Variants in PPIA observed in about 807,000 individuals in gnomAD.
PPIA encodes the protein peptidyl-prolyl cis-trans isomerase A.
PPIA carries 2 observed loss-of-function variants against 15.3 expected under a neutral mutation model. The observed-to-expected ratio is 0.13, with a 90% CI of 0.05 to 0.41. The LOEUF is 0.41. Ranked by LOEUF, PPIA falls within the 10% of genes least tolerant of loss-of-function variation. The pLI is 0.99. For synonymous variants in PPIA, 67 were observed against 73.1 expected, an observed-to-expected ratio of 0.92 and a Z score of 0.43; for missense variants, 103 against 210.3, an observed-to-expected ratio of 0.49 and a Z score of 3.16.
chr7:44,798,867 C>G (rs573491651), intron 1 of PPIA: 1 of 1,020,758 alleles, frequency 9.8e-7, no homozygotes, highest in Non-Finnish European at 1.2e-6. Flanking sequence ...TACCCCTGAT[C>G]GTGCAGCAGT....
chr7:44,796,802 G>T lies in PPIA; in HGVS notation c.69+9G>T, dbSNP rs373732482. Reference sequence around the variant, plus strand: ...GCCGCGTCTCCTTTGAGGTCGGGCGGGCGGCGGCGTGCGGGAATGGGGCCC... The same window carrying T: ...GCCGCGTCTCCTTTGAGGTCGGGCGTGCGGCGGCGTGCGGGAATGGGGCCC... On this transcript the variant is annotated intron_variant, in intron 1 of 4. Coordinates refer to ENST00000468812, the MANE Select transcript of PPIA (RefSeq NM_021130.5). 64 of 1,603,030 alleles carry T rather than the reference G, an allele frequency of 4.0e-5. No individual in the cohort carries two copies. Among genetic ancestry groups the T allele is most frequent in the East Asian group, 6.9e-5 (3 of 43,228 alleles).
Position 44,803,079 on chromosome 7 carries a change from A to C in PPIA, c.*1657A>C, listed in dbSNP as rs1376767572. On this transcript the variant is annotated 3_prime_UTR_variant, in exon 5 of 5. Transcript: ENST00000468812. ...TTAATGTACTTGTGGCTCAGACCTGAGTGCAAGGTGGAAATAAACATCAAA... is the reference window on the plus strand; with the variant it reads ...TTAATGTACTTGTGGCTCAGACCTGCGTGCAAGGTGGAAATAAACATCAAA... 1 of 152,208 alleles carries C rather than the reference A, an allele frequency of 6.6e-6. No individual in the cohort carries two copies. Among genetic ancestry groups the C allele is most frequent in the Admixed American group, 6.5e-5 (1 of 15,276 alleles). The allele number at this position is 152,208 out of a possible 1,614,324, so 9.4% of individuals were successfully genotyped here.
At chr7:44,799,331 G>A in intron 2 of PPIA, 54 bp downstream of exon 2, 4 of 1,591,308 alleles carry the variant, frequency 2.5e-6, no homozygotes, top group Admixed American at 3.4e-5. Flanking sequence ...CAGTTTGTGT[G>A]TGTGTGTGTA....
rs776159089 is a variant in PPIA at position 44,799,495 on chromosome 7, G to C, written c.189+15G>C. 1 of 1,608,622 alleles carries C rather than the reference G, an allele frequency of 6.2e-7. No individual in the cohort carries two copies. The highest frequency in any genetic ancestry group is 8.5e-7 in the Non-Finnish European group (1 of 1,177,992). On this transcript the variant is annotated intron_variant, in intron 3 of 4. Transcript: ENST00000468812. ...TTATGTGTCAGGTACGAAATTTACTGAATTTTATTTTATTTGGGTTGCTCC... is the reference window on the plus strand; with the variant it reads ...TTATGTGTCAGGTACGAAATTTACTCAATTTTATTTTATTTGGGTTGCTCC...
intron 1 of PPIA, chr7:44,798,631 C>G: frequency 1.6e-6 from 1 of 619,322 alleles, no homozygotes; most frequent in South Asian, 7.2e-5. Flanking sequence ...TATGAAAGGG[C>G]TTGTAAATGT....
At chr7:44,800,464 T>A (rs1046638283) in intron 4 of PPIA, 4 of 149,988 alleles carry the variant, frequency 2.7e-5, no homozygotes, top group Non-Finnish European at 5.8e-5. Context: ...AGTGCAGTGG[T>A]GCCATCTCAG....
chr7:44,802,222 C>G lies in PPIA; in HGVS notation c.*800C>G, dbSNP rs1266803179. On this transcript the variant is annotated 3_prime_UTR_variant, in exon 5 of 5. Coordinates refer to ENST00000468812, the MANE Select transcript of PPIA (RefSeq NM_021130.5). ...GGAATGCAGTGGCGTGATCTCAGCT[C>G]ACTGCAGCCTCCGCCTCCTGGGTTC... is the stretch of plus-strand genomic sequence containing the variant. 6.9e-6 allele frequency: 1 copy of G among 145,900 alleles called. No individual in the cohort carries two copies. Among genetic ancestry groups the G allele is most frequent in the Non-Finnish European group, 1.5e-5 (1 of 67,562 alleles). The allele number at this position is 145,900 out of a possible 1,614,324, so 9.0% of individuals were successfully genotyped here. A position where few individuals can be genotyped will look rare whatever the true frequency, so the allele number is the denominator to read the frequency against.
At chr7:44,799,914 GA>G in intron 4 of PPIA, 40 bp downstream of exon 4, 1 of 1,591,548 alleles carries the variant, frequency 6.3e-7, no homozygotes. Flanking sequence ...CTGACTAAAT[GA>G]AAAGTTGCCC....
chr7:44,798,876 G>C, intron 1 of PPIA: 2 of 1,041,584 alleles, frequency 1.9e-6, no homozygotes, highest in Non-Finnish European at 2.3e-6. Context: ...TCGTGCAGCA[G>C]TGCTTGCTGT....
Position 44,802,700 on chromosome 7 carries a change from G to A in PPIA, c.*1278G>A, listed in dbSNP as rs993051427. 6.6e-6 allele frequency: 1 copy of A among 152,138 alleles called. No individual in the cohort carries two copies. The highest frequency in any genetic ancestry group is 6.6e-5 in the Admixed American group (1 of 15,248). The allele number at this position is 152,138 out of a possible 1,614,324, so 9.4% of individuals were successfully genotyped here. On this transcript the variant is annotated 3_prime_UTR_variant, in exon 5 of 5. Transcript: ENST00000468812. ...TAGCTTTGGTTATGGAGGCTTTGAGGTTTTGCAAACCTGACCAATTTAAGC... is the reference window on the plus strand; with the variant it reads ...TAGCTTTGGTTATGGAGGCTTTGAGATTTTGCAAACCTGACCAATTTAAGC...
In PPIA at chr7:44,798,728, A is replaced by AT. The variant is rs1378361787; in HGVS notation, c.70-513dup. ...CCAGATATACTAGAAACCAATCTTT[A>AT]TTTTTTACCCCACTACTAGGTAAGG... On this transcript the variant is annotated intron_variant, in intron 1 of 4. Transcript: ENST00000468812. The AT allele has an allele frequency of 5.1e-6, 5 of 985,704 alleles. No homozygotes were observed. The African/African-American group carries it at 7.0e-5, about 14-fold the overall frequency. The allele number at this position is 985,704 out of a possible 1,614,324, so 61.1% of individuals were successfully genotyped here. A position where few individuals can be genotyped will look rare whatever the true frequency, so the allele number is the denominator to read the frequency against.
intron 1 of PPIA, chr7:44,798,760 G>A (rs965747191): frequency 1.1e-4 from 113 of 988,060 alleles, no homozygotes; most frequent in Non-Finnish European, 1.2e-4. Context: ...AAGGGGCCTG[G>A]ATACCAAGAA....
Position 44,802,750 on chromosome 7 carries a change from C to T in PPIA, c.*1328C>T, listed in dbSNP as rs926669927. ...CCATAAGATCTGGTCAAAGGGATACCCTTCCCACTAAGGACTTGGTTTCTC... is the reference window on the plus strand; with the variant it reads ...CCATAAGATCTGGTCAAAGGGATACTCTTCCCACTAAGGACTTGGTTTCTC... On this transcript the variant is annotated 3_prime_UTR_variant, in exon 5 of 5. Transcript: ENST00000468812. The T allele has an allele frequency of 6.6e-6, 1 of 152,070 alleles. No homozygotes were observed. Among genetic ancestry groups the T allele is most frequent in the African/African-American group, 2.4e-5 (1 of 41,410 alleles). 9.4% of individuals were successfully genotyped at this position (152,070 alleles called of 1,614,324 possible).
chr7:44,800,739 G>A lies in PPIA; in HGVS notation c.363-548G>A, dbSNP rs186484171. Among the ~76,000 whole-genome samples the A allele has an allele frequency of 1.1e-4, 16 of 152,096 alleles. No homozygotes were observed. The East Asian group carries it at 2.3e-3, about 22-fold the overall frequency. ...TTTATGTTACTATTAATAACATGCG[G>A]TTGGTTGGGTTTTTTGTTTCTTTGG... On this transcript the variant is annotated intron_variant, in intron 4 of 4. Transcript: ENST00000468812.
In PPIA at chr7:44,801,875, C is replaced by G. The variant is rs1276281024; in HGVS notation, c.*453C>G. 5.8e-6 allele frequency: 1 copy of G among 171,466 alleles called. No individual in the cohort carries two copies. The highest frequency in any genetic ancestry group is 2.4e-5 in the African/African-American group (1 of 41,530). The allele number at this position is 171,466 out of a possible 1,614,324, so 10.6% of individuals were successfully genotyped here. On this transcript the variant is annotated 3_prime_UTR_variant, in exon 5 of 5. Transcript: ENST00000468812. ...ACCACCTGAGGGTAGGAGTCAAGATCAGCCTGGGCAACATAGTGAGACGCT... is the reference window on the plus strand; with the variant it reads ...ACCACCTGAGGGTAGGAGTCAAGATGAGCCTGGGCAACATAGTGAGACGCT...
chr7:44,799,939 A>G (rs1481057249), intron 4 of PPIA, 65 bp downstream of exon 4: 9 of 1,500,990 alleles, frequency 6.0e-6, no homozygotes, highest in South Asian at 1.1e-5. Context: ...GGGGAACGGA[A>G]CAAACACTAC....
In PPIA at chr7:44,796,689, G is replaced by C. The variant is rs570585479; in HGVS notation, c.-36G>C. 3 of 1,603,618 alleles carry C rather than the reference G, an allele frequency of 1.9e-6. No individual in the cohort carries two copies. The African/African-American group carries it at 4.0e-5, about 22-fold the overall frequency. On this transcript the variant is annotated 5_prime_UTR_variant, in exon 1 of 5. Transcript: ENST00000468812. ...GAGGCCAGGCTCGTGCCGTTTTGCAGACGCCACCGCCGAGGAAAACCGTGT... is the reference window on the plus strand; with the variant it reads ...GAGGCCAGGCTCGTGCCGTTTTGCACACGCCACCGCCGAGGAAAACCGTGT...
In PPIA at chr7:44,799,399, T is replaced by C; in HGVS notation, c.108T>C (p.Phe36=). The C allele has an allele frequency of 6.2e-7, 1 of 1,612,612 alleles. No individual in the cohort carries two copies. The highest frequency in any genetic ancestry group is 8.5e-7 in the Non-Finnish European group (1 of 1,179,776). The change falls in exon 3 of 5, where the codon TTT becomes TTC. Residue 36 remains phenylalanine, a synonymous_variant. Transcript: ENST00000468812. ...ADKVPKTAEN[F]RALSTGEKGF... Reference sequence around the variant, plus strand: ...TAATTTTTTTTTAAACAGAAAATTTTCGTGCTCTGAGCACTGGAGAGAAAG... The same window carrying C: ...TAATTTTTTTTTAAACAGAAAATTTCCGTGCTCTGAGCACTGGAGAGAAAG...
intron 1 of PPIA, 101 bp from the exon 2 acceptor site, chr7:44,799,146 T>G (rs1792467850): frequency 7.4e-7 from 1 of 1,342,518 alleles, no homozygotes. Context: ...TGAAGAAGTA[T>G]TCTAGTGAGA....
Sources: allele counts gnomAD v4.1 joint callset (sites outside exome capture counted in the v4.1 genomes callset), GRCh38; gene constraint gnomAD v4.1.1; transcripts MANE v1.5; gene names NCBI Gene and HGNC (gene_info 2026-07-23, HGNC 2026-07-21).